ELMO1: variants seen among roughly 807,000 people sequenced by gnomAD.
The protein encoded by ELMO1 is engulfment and cell motility protein 1.
A neutral mutation model predicts 98.9 loss-of-function variants in ELMO1; 26 were observed. The ratio of observed to expected loss-of-function variants is 0.26; its 90% CI spans 0.19 to 0.36. ELMO1 has a LOEUF of 0.36. Among genes scored for constraint, ELMO1 ranks in the 10% least tolerant of loss-of-function variants. The pLI, the probability that ELMO1 is intolerant of heterozygous loss-of-function variation, is 1.00. For missense variants in ELMO1, 627 were observed against 935.2 expected, an observed-to-expected ratio of 0.67 and a Z score of 4.30; for synonymous variants, 346 against 346.0, an observed-to-expected ratio of 1.00 and a Z score of 0.00.
chr7:37,244,444 T>G, intron 6 of ELMO1, 53 bp from the exon 7 acceptor site: 1 of 1,579,548 alleles, frequency 6.3e-7, no homozygotes, highest in Non-Finnish European at 8.7e-7. Flanking sequence ...GCAACAATTT[T>G]TACACAAAGA....
chr7:37,257,294 T>C (rs533535920), intron 6 of ELMO1, among the ~76,000 whole-genome samples: 58 of 152,312 alleles, frequency 3.8e-4, no homozygotes, highest in African/African-American at 1.2e-3. Context: ...GAGGCTGAGA[T>C]TTAATGGGTT....
At chr7:37,167,479 G>GT (rs1789802713) in intron 13 of ELMO1, among the ~76,000 whole-genome samples, 1 of 150,826 alleles carries the variant, frequency 6.6e-6, no homozygotes, top group Non-Finnish European at 1.5e-5. Context: ...GCTGGTACCG[G>GT]TTGTTCCTTT....
chr7:36,917,096 T>G (rs773681752), intron 16 of ELMO1, among the ~76,000 whole-genome samples: 4 of 152,260 alleles, frequency 2.6e-5, no homozygotes, highest in Non-Finnish European at 5.9e-5. Context: ...AATGTTTTAG[T>G]GCAAATAATA....
chr7:37,124,248 C>T (rs1457680381), intron 14 of ELMO1, among the ~76,000 whole-genome samples: 2 of 152,188 alleles, frequency 1.3e-5, no homozygotes, highest in Non-Finnish European at 2.9e-5. Flanking sequence ...ACTCTCTCAC[C>T]ACTCCTATTC....
At chr7:37,194,689 TC>T (rs1346780602) in intron 13 of ELMO1, among the ~76,000 whole-genome samples, 3 of 152,136 alleles carry the variant, frequency 2.0e-5, no homozygotes, top group Non-Finnish European at 2.9e-5. Context: ...TCACCCACGC[TC>T]CTCCTCCTCC....
rs376792319 is a variant in ELMO1 at position 37,259,174 on chromosome 7, C to A, written c.413+7G>T. On this transcript the variant is annotated splice_region_variant and intron_variant, in intron 6 of 21. Transcript: ENST00000310758. ...CAGCTGTGGAAGTTAGGAAAAAAGA[C>A]GCTTACTCAGTGCCGCTCTCCACCA... 3.1e-6 allele frequency: 5 copies of A among 1,607,448 alleles called. No individual in the cohort carries two copies. Among genetic ancestry groups the A allele is most frequent in the Non-Finnish European group, 4.3e-6 (5 of 1,175,832 alleles).
At chr7:37,444,184 C>T (rs145269282) in intron 1 of ELMO1, among the ~76,000 whole-genome samples, 2 of 152,286 alleles carry the variant, frequency 1.3e-5, no homozygotes, top group African/African-American at 4.8e-5. Context: ...AAATGCTTCA[C>T]CTAATCATGC....
intron 7 of ELMO1, among the ~76,000 whole-genome samples, chr7:37,241,849 T>C (rs1794781130): frequency 6.6e-6 from 1 of 152,190 alleles, no homozygotes; most frequent in Non-Finnish European, 1.5e-5. Context: ...CAAACAGTAT[T>C]ATAATTTTTG....
chr7:37,400,007 A>G (rs369302263), intron 1 of ELMO1, among the ~76,000 whole-genome samples: 5 of 152,212 alleles, frequency 3.3e-5, no homozygotes, highest in African/African-American at 9.6e-5. Context: ...CTACTGATTT[A>G]GTGACAAATG....
intron 13 of ELMO1, among the ~76,000 whole-genome samples, chr7:37,148,434 T>C (rs964069237): frequency 6.6e-6 from 1 of 152,232 alleles, no homozygotes; most frequent in Non-Finnish European, 1.5e-5. Flanking sequence ...CTGCCAGGTA[T>C]GTAATTCATG....
At chr7:37,362,651 A>T (rs1322247033) in intron 1 of ELMO1, among the ~76,000 whole-genome samples, 3 of 152,128 alleles carry the variant, frequency 2.0e-5, no homozygotes, top group African/African-American at 7.2e-5. Context: ...TGCCTACTTG[A>T]CATAGCTACT....
At chr7:37,347,588 C>A (rs532395495) in intron 1 of ELMO1, among the ~76,000 whole-genome samples, 1 of 152,108 alleles carries the variant, frequency 6.6e-6, no homozygotes, top group Non-Finnish European at 1.5e-5. Context: ...AGGGGAACAC[C>A]CTCTCACTTG....
At chr7:36,860,606 T>C (rs957223504) in intron 21 of ELMO1, among the ~76,000 whole-genome samples, 12 of 152,216 alleles carry the variant, frequency 7.9e-5, no homozygotes, top group Non-Finnish European at 1.0e-4. Flanking sequence ...TCCAAAGTTC[T>C]ACTATTTTAA....
At chr7:37,194,014 C>G (rs969243506) in intron 13 of ELMO1, among the ~76,000 whole-genome samples, 4 of 152,174 alleles carry the variant, frequency 2.6e-5, no homozygotes, top group African/African-American at 9.7e-5. Context: ...AGCCCTGGCT[C>G]TCCTGGAGAA....
intron 16 of ELMO1, chr7:36,986,168 G>A: frequency 1.0e-6 from 1 of 985,858 alleles, no homozygotes; most frequent in Non-Finnish European, 1.2e-6. Flanking sequence ...TTATGTTTAT[G>A]GAGCTGGAGC....
intron 14 of ELMO1, among the ~76,000 whole-genome samples, chr7:37,106,767 A>AGTGTG (rs1183330849): frequency 1.3e-5 from 2 of 152,118 alleles, no homozygotes; most frequent in African/African-American, 4.8e-5. Context: ...ATACTCTTTA[A>AGTGTG]TGCAAACCAC....
Position 37,155,503 on chromosome 7 carries a change from A to ATAAAAAAAAAAAT in ELMO1, c.1087-22270_1087-22269insATTTTTTTTTTTA, listed in dbSNP as rs1554427526. ...AACGGAAAGCAAAAAAAAAAAAAAA[A>ATAAAAAAAAAAAT]AAAAAGCAGGTGTTGCAATCCTGGT... On this transcript the variant is annotated intron_variant, in intron 13 of 21. Coordinates refer to ENST00000310758, the MANE Select transcript of ELMO1 (RefSeq NM_014800.11). Among the ~76,000 whole-genome samples the ATAAAAAAAAAAAT allele has an allele frequency of 3.7e-4, 49 of 131,778 alleles. 1 individual carries two copies. Among genetic ancestry groups the ATAAAAAAAAAAAT allele is most frequent in the Middle Eastern group, 4.0e-3 (1 of 248 alleles). 86.5% of individuals were successfully genotyped at this position (131,778 alleles called of 152,430 possible).
chr7:37,251,653 C>T (rs190712950), intron 6 of ELMO1, among the ~76,000 whole-genome samples: 30 of 152,304 alleles, frequency 2.0e-4, no homozygotes, highest in Non-Finnish European at 2.8e-4. Flanking sequence ...TGGAAGCATT[C>T]CCTTTGAAAA....
In ELMO1 at chr7:36,853,803, T is replaced by C. The variant is rs532721954; in HGVS notation, c.*1748A>G. ...TTAATACTGCATGCTTGGACCCTTC[T>C]GACATCCCTCCCAGTGCTGGGAGTT... is the stretch of plus-strand genomic sequence containing the variant. On this transcript the variant is annotated 3_prime_UTR_variant, in exon 22 of 22. Transcript: ENST00000310758. Among the ~76,000 whole-genome samples, 3 of 152,336 alleles carry C rather than the reference T, an allele frequency of 2.0e-5. No homozygotes were observed. The East Asian group carries it at 5.8e-4, about 29-fold the overall frequency.
Sources: allele counts gnomAD v4.1 joint callset (sites outside exome capture counted in the v4.1 genomes callset), GRCh38; gene constraint gnomAD v4.1.1; transcripts MANE v1.5; gene names NCBI Gene and HGNC (gene_info 2026-07-23, HGNC 2026-07-21).